TMPRSS9: variants seen among roughly 807,000 people sequenced by gnomAD.
The protein encoded by TMPRSS9 is transmembrane serine protease 9.
In TMPRSS9, 113 loss-of-function variants were observed where a neutral mutation model predicts 111.4. That is an observed-to-expected ratio of 1.01 (90% confidence interval 0.87 to 1.19). TMPRSS9 has a LOEUF of 1.19. TMPRSS9 is among the 50% of genes most tolerant of loss of function. TMPRSS9 has a pLI of 0.00. For synonymous variants in TMPRSS9, 805 were observed against 659.1 expected, an observed-to-expected ratio of 1.22 and a Z score of -3.39; for missense variants, 1,803 against 1,513.1, an observed-to-expected ratio of 1.19 and a Z score of -3.18.
At chr19:2,361,313 T>C (rs1970195440) in intron 1 of TMPRSS9, among the ~76,000 whole-genome samples, 1 of 84,116 alleles carries the variant, frequency 1.2e-5, no homozygotes, top group African/African-American at 4.9e-5. Flanking sequence ...AGGGCTGGGA[T>C]GGGTTGGTGG....
At chr19:2,417,177 TGCCGGCG>T (rs1282788487) in intron 12 of TMPRSS9, among the ~76,000 whole-genome samples, 2 of 152,184 alleles carry the variant, frequency 1.3e-5, no homozygotes, top group Non-Finnish European at 2.9e-5. Flanking sequence ...AGAAAATGTT[TGCCGGCG>T]GCCACATGTG....
At chr19:2,411,597 T>C (rs1971098582) in intron 9 of TMPRSS9, among the ~76,000 whole-genome samples, 1 of 151,994 alleles carries the variant, frequency 6.6e-6, no homozygotes, top group Non-Finnish European at 1.5e-5. Context: ...ACTGTCTCGC[T>C]CTGTCACCCA....
intron 1 of TMPRSS9, among the ~76,000 whole-genome samples, chr19:2,393,095 AG>A: frequency 6.6e-6 from 1 of 152,292 alleles, no homozygotes; most frequent in African/African-American, 2.4e-5. Context: ...GCCAATCAGG[AG>A]GATGTGGGTG....
At chr19:2,375,515 CA>C (rs1970325528) in intron 1 of TMPRSS9, among the ~76,000 whole-genome samples, 1 of 147,072 alleles carries the variant, frequency 6.8e-6, no homozygotes, top group Non-Finnish European at 1.5e-5. Context: ...ATTGGCAGGC[CA>C]GGGTCCAGTG....
At chr19:2,372,805 G>A (rs1970300624) in intron 1 of TMPRSS9, among the ~76,000 whole-genome samples, 1 of 152,018 alleles carries the variant, frequency 6.6e-6, no homozygotes, top group African/African-American at 2.4e-5. Context: ...TTAGAAATAT[G>A]GGTGTTCTAA....
At chr19:2,396,551 C>T (rs1970712099) in exon 2 of TMPRSS9, 2 of 1,608,828 alleles carry the variant, frequency 1.2e-6, no homozygotes, top group Non-Finnish European at 1.7e-6. Context: ...TTCCTCTCTA[C>T]ACAGGGCTTC....
At position 2,367,795 on chromosome 19, in the gene TMPRSS9, C is replaced by T. The variant is rs1599273861; in HGVS notation, c.-26+7435C>T. Among the ~76,000 whole-genome samples, 6 of 151,784 alleles carry T rather than the reference C, an allele frequency of 4.0e-5. No homozygotes were observed. The South Asian group carries it at 1.0e-3, about 26-fold the overall frequency. On this transcript the variant is annotated intron_variant, in intron 1 of 17. Transcript: ENST00000649857. The stretch of plus-strand genomic sequence containing the variant: ...AGCCAGGCTGGTCTTGAACTCTTGA[C>T]CTCAGGTGATCCACCCACCTTGGCC...
chr19:2,385,369 T>C (rs1247440019), upstream of TMPRSS9, among the ~76,000 whole-genome samples: 1 of 152,042 alleles, frequency 6.6e-6, no homozygotes, highest in African/African-American at 2.4e-5. Flanking sequence ...AGGCAGTTTC[T>C]CGCGGAAAAT....
intron 1 of TMPRSS9, among the ~76,000 whole-genome samples, chr19:2,372,390 C>A (rs1372603085): frequency 1.3e-5 from 2 of 152,094 alleles, no homozygotes; most frequent in African/African-American, 4.8e-5. Flanking sequence ...AATGATGCCT[C>A]TTCTTGTCAA....
chr19:2,421,895 C>A (rs757188251), exon 14 of TMPRSS9: 4 of 1,612,046 alleles, frequency 2.5e-6, no homozygotes, highest in Admixed American at 1.7e-5. Context: ...AGGCCCCTGG[C>A]GTGTTTTATC....
At chr19:2,413,185 ACT>A (rs1386690104) in intron 9 of TMPRSS9, among the ~76,000 whole-genome samples, 1 of 152,066 alleles carries the variant, frequency 6.6e-6, no homozygotes, top group Non-Finnish European at 1.5e-5. Flanking sequence ...ACAGAGCAAA[ACT>A]CTATCTCAAA....
exon 10 of TMPRSS9, chr19:2,413,819 C>T (rs975450438): frequency 6.8e-6 from 11 of 1,613,690 alleles, no homozygotes; most frequent in Non-Finnish European, 9.3e-6. Context: ...ATGCCCGAGT[C>T]ACCAGGCTAC....
At chr19:2,388,748 G>A (rs1168797971), upstream of TMPRSS9, among the ~76,000 whole-genome samples, 1 of 152,006 alleles carries the variant, frequency 6.6e-6, no homozygotes, top group Non-Finnish European at 1.5e-5. Context: ...AGCCTCCTGA[G>A]TGGCTAGGAT....
intron 10 of TMPRSS9, among the ~76,000 whole-genome samples, chr19:2,415,252 A>G (rs969523820): frequency 1.3e-5 from 2 of 151,926 alleles, no homozygotes; most frequent in Non-Finnish European, 2.9e-5. Flanking sequence ...GCCATGCTTC[A>G]TTTCAGTTCA....
chr19:2,399,525 G>A lies in TMPRSS9; in HGVS notation c.514+332G>A, dbSNP rs181425136. ...TGGGAGGCGGAGGTTGCAGTGAGCC[G>A]AGATCGTGCCATTGCACTCCAGCCT... On this transcript the variant is annotated intron_variant, in intron 4 of 17. Transcript: ENST00000648592. Among the ~76,000 whole-genome samples, 46 of 152,280 alleles carry A rather than the reference G, an allele frequency of 3.0e-4. 1 individual carries two copies. The East Asian group carries it at 7.0e-3, about 23-fold the overall frequency.
rs546963899 is a variant in TMPRSS9 at position 2,380,439 on chromosome 19, T to TA, written c.-25-9310dup. ...GGCAAAACCCCGTCTCTACTAAAAA[T>TA]AAAAAAAAAAAATTAGCCAGGCATG... On this transcript the variant is annotated intron_variant, in intron 1 of 17. Transcript: ENST00000649857. Among the ~76,000 whole-genome samples, 1,169 of 141,678 alleles carry TA rather than the reference T, an allele frequency of 8.3e-3. 12 individuals are homozygous for TA. The highest frequency in any genetic ancestry group is 0.014 in the Non-Finnish European group (903 of 64,778). 92.9% of individuals were successfully genotyped at this position (141,678 alleles called of 152,430 possible).
chr19:2,424,874 C>G, intron 15 of TMPRSS9, 128 bp from the exon 17 acceptor site: 1 of 1,216,318 alleles, frequency 8.2e-7, no homozygotes, highest in East Asian at 3.3e-5. Context: ...CATTCCCAGA[C>G]CGACAGCCAG....
chr19:2,422,241 C>CTACCAGG lies in TMPRSS9; in HGVS notation c.2547_2548+5dup. On this transcript the variant is annotated frameshift_variant, in exon 14 of 18. Transcript: ENST00000648592. LOFTEE classifies it high-confidence loss of function. Reference sequence around the variant, plus strand: ...CCCGGAGGCCACCACACACACCCAGCTACCAGGTACCGGGAGAGACGGAGG... The same window carrying CTACCAGG: ...CCCGGAGGCCACCACACACACCCAGCTACCAGGTACCAGGTACCGGGAGAGACGGAGG... The CTACCAGG allele has an allele frequency of 2.7e-6, 4 of 1,506,746 alleles. No individual in the cohort carries two copies. The highest frequency in any genetic ancestry group is 3.5e-6 in the Non-Finnish European group (4 of 1,131,522). The allele number at this position is 1,506,746 out of a possible 1,614,324, so 93.3% of individuals were successfully genotyped here. A position where few individuals can be genotyped will look rare whatever the true frequency, so the allele number is the denominator to read the frequency against.
chr19:2,417,025 A>C (rs1971255583), intron 12 of TMPRSS9, among the ~76,000 whole-genome samples: 1 of 152,146 alleles, frequency 6.6e-6, no homozygotes, highest in Admixed American at 6.6e-5. Context: ...GTTTGTATAA[A>C]CAAAGTTTTA....
Sources: gnomAD v4.1 joint callset for allele counts (sites outside exome capture counted in the v4.1 genomes callset) on GRCh38, gnomAD v4.1.1 for gene constraint, MANE v1.5 for transcripts, NCBI Gene and HGNC (gene_info 2026-07-23, HGNC 2026-07-21) for gene names.